CCSER1: variants seen among roughly 807,000 people sequenced by gnomAD.
CCSER1 encodes serine-rich coiled-coil domain-containing protein 1.
In CCSER1, 41 loss-of-function variants were observed where a neutral mutation model predicts 82.0. That is an observed-to-expected ratio of 0.50 (90% confidence interval 0.39 to 0.65). CCSER1 has a LOEUF of 0.65. Ranked by LOEUF, CCSER1 falls within the 30% of genes least tolerant of loss-of-function variation. The pLI is 0.00. For missense variants in CCSER1, 1,119 were observed against 1,064.2 expected, an observed-to-expected ratio of 1.05 and a Z score of -0.72; for synonymous variants, 414 against 383.9, an observed-to-expected ratio of 1.08 and a Z score of -0.92.
intron 1 of CCSER1, among the ~76,000 whole-genome samples, chr4:90,140,962 G>T (rs1371676810): frequency 6.6e-6 from 1 of 151,832 alleles, no homozygotes; most frequent in African/African-American, 2.4e-5. Context: ...ACCGCGCCCG[G>T]CCTTGGTCTA....
chr4:91,001,710 G>A (rs1210783219), intron 9 of CCSER1, among the ~76,000 whole-genome samples: 1 of 152,118 alleles, frequency 6.6e-6, no homozygotes, highest in Non-Finnish European at 1.5e-5. Context: ...TATGCATTCT[G>A]CAATTCTGCA....
chr4:90,795,834 A>C (rs2085096), intron 7 of CCSER1, among the ~76,000 whole-genome samples: 52,943 of 151,520 alleles, frequency 0.35, 9,581 homozygotes, highest in African/African-American at 0.46. Context: ...CTTACATCTC[A>C]TGGATAAAGC....
intron 5 of CCSER1, among the ~76,000 whole-genome samples, chr4:90,536,002 G>C (rs1468185746): frequency 2.7e-5 from 4 of 149,920 alleles, no homozygotes; most frequent in African/African-American, 9.8e-5. Context: ...AGAATGTGTT[G>C]ACACTAATAT....
At chr4:90,884,427 T>G (rs748685445) in intron 8 of CCSER1, among the ~76,000 whole-genome samples, 10 of 152,110 alleles carry the variant, frequency 6.6e-5, no homozygotes, top group Admixed American at 1.3e-4. Context: ...TATAATCAAT[T>G]TATATACATA....
chr4:91,570,305 G>C (rs1420078966), intron 10 of CCSER1, among the ~76,000 whole-genome samples: 1 of 147,404 alleles, frequency 6.8e-6, no homozygotes, highest in Non-Finnish European at 1.5e-5. Context: ...GGGGCCTGGA[G>C]GATGTGGCCT....
At chr4:90,809,449 A>T (rs28866860) in intron 7 of CCSER1, among the ~76,000 whole-genome samples, 1 of 152,098 alleles carries the variant, frequency 6.6e-6, no homozygotes, top group Non-Finnish European at 1.5e-5. Context: ...AAAACTAAAT[A>T]CCCCATGTTC....
intron 10 of CCSER1, among the ~76,000 whole-genome samples, chr4:91,519,497 C>A (rs963651691): frequency 1.3e-5 from 2 of 152,208 alleles, no homozygotes; most frequent in South Asian, 4.1e-4. Context: ...CCCCCTTCCT[C>A]GGGGCCTATA....
At chr4:91,129,101 A>G (rs984483395) in intron 10 of CCSER1, among the ~76,000 whole-genome samples, 14 of 151,916 alleles carry the variant, frequency 9.2e-5, no homozygotes, top group Non-Finnish European at 1.6e-4. Flanking sequence ...CAAGCATCAC[A>G]TTTTCAAACA....
chr4:90,261,196 C>A (rs1460692107), intron 1 of CCSER1, among the ~76,000 whole-genome samples: 1 of 151,808 alleles, frequency 6.6e-6, no homozygotes, highest in Non-Finnish European at 1.5e-5. Context: ...TTTATAGGCC[C>A]TGTGAGCTTA....
intron 10 of CCSER1, among the ~76,000 whole-genome samples, chr4:91,543,284 G>A (rs1488803520): frequency 2.0e-5 from 3 of 152,136 alleles, no homozygotes; most frequent in Admixed American, 6.5e-5. Flanking sequence ...TTTAATTGGA[G>A]CATTTATCCC....
At chr4:91,218,604 C>T (rs1737486963) in intron 10 of CCSER1, among the ~76,000 whole-genome samples, 1 of 152,212 alleles carries the variant, frequency 6.6e-6, no homozygotes, top group African/African-American at 2.4e-5. Flanking sequence ...ATACATAACA[C>T]TAGTGTACTT....
At chr4:90,576,766 C>T (rs1254890933) in intron 5 of CCSER1, among the ~76,000 whole-genome samples, 4 of 152,050 alleles carry the variant, frequency 2.6e-5, no homozygotes, top group Non-Finnish European at 1.5e-5. Flanking sequence ...ATCAATTCAC[C>T]TACGAGAATT....
intron 10 of CCSER1, among the ~76,000 whole-genome samples, chr4:91,503,337 A>G (rs1050154603): frequency 2.0e-5 from 3 of 149,716 alleles, no homozygotes; most frequent in African/African-American, 7.4e-5. Flanking sequence ...GCGATACTCC[A>G]TCTCAAAAAA....
At chr4:91,179,403 A>C (rs1733761677) in intron 10 of CCSER1, among the ~76,000 whole-genome samples, 1 of 152,044 alleles carries the variant, frequency 6.6e-6, no homozygotes, top group South Asian at 2.1e-4. Flanking sequence ...GTGTTTTCCA[A>C]CTTGGTTCCA....
At chr4:91,154,908 C>T (rs1220836920) in intron 10 of CCSER1, among the ~76,000 whole-genome samples, 2 of 151,700 alleles carry the variant, frequency 1.3e-5, no homozygotes, top group Admixed American at 6.6e-5. Context: ...GAAGTAGGGG[C>T]ACAGAGAAGG....
At chr4:90,550,665 T>C (rs1350867068) in intron 5 of CCSER1, among the ~76,000 whole-genome samples, 1 of 152,178 alleles carries the variant, frequency 6.6e-6, no homozygotes, top group African/African-American at 2.4e-5. Flanking sequence ...CAAGTATAGA[T>C]ATAATATATC....
intron 6 of CCSER1, among the ~76,000 whole-genome samples, chr4:90,636,614 T>C (rs28808028): frequency 0.28 from 42,576 of 151,940 alleles, 6,221 homozygotes; most frequent in East Asian, 0.37. Flanking sequence ...CAAGACTGTA[T>C]TAATAGATGA....
At chr4:90,269,759 A>T (rs866540397) in intron 1 of CCSER1, among the ~76,000 whole-genome samples, 34 of 150,666 alleles carry the variant, frequency 2.3e-4, no homozygotes, top group Non-Finnish European at 4.9e-4. Context: ...TAAAAAGATT[A>T]AAAAAAAACC....
chr4:91,211,863 T>C (rs1221396217), intron 10 of CCSER1, among the ~76,000 whole-genome samples: 7 of 152,026 alleles, frequency 4.6e-5, no homozygotes, highest in Admixed American at 4.6e-4. Flanking sequence ...CCTCCAAAGA[T>C]CTCTAACAAA....
Sources: allele counts gnomAD v4.1 joint callset (sites outside exome capture counted in the v4.1 genomes callset), GRCh38; gene constraint gnomAD v4.1.1; transcripts MANE v1.5; gene names NCBI Gene and HGNC (gene_info 2026-07-23, HGNC 2026-07-21).